EGF: variants seen among roughly 807,000 people sequenced by gnomAD.
EGF encodes pro-epidermal growth factor.
In EGF, 95 loss-of-function variants were observed where a neutral mutation model predicts 143.8. The observed-to-expected ratio is 0.66, with a 90% CI of 0.56 to 0.78. The LOEUF is 0.78. Among genes scored for constraint, EGF ranks in the 30% least tolerant of loss-of-function variants. The pLI is 0.00. For synonymous variants in EGF, 510 were observed against 510.5 expected, an observed-to-expected ratio of 1.00 and a Z score of 0.01; for missense variants, 1,320 against 1,470.9, an observed-to-expected ratio of 0.90 and a Z score of 1.68.
At chr4:109,918,458 T>C (rs1272697548) in intron 1 of EGF, among the ~76,000 whole-genome samples, 1 of 152,184 alleles carries the variant, frequency 6.6e-6, no homozygotes, top group African/African-American at 2.4e-5. Context: ...GCTCAGCATC[T>C]ATTTAAATTA....
intron 1 of EGF, among the ~76,000 whole-genome samples, chr4:109,934,673 T>C (rs1172745166): frequency 6.6e-6 from 1 of 152,234 alleles, no homozygotes; most frequent in Non-Finnish European, 1.5e-5. Flanking sequence ...TAGGTTTTCT[T>C]CTAGGGTTTT....
Position 110,012,965 on chromosome 4 carries a change from T to C in EGF, c.*1510T>C, listed in dbSNP as rs1239080030. 6.6e-6 allele frequency among the ~76,000 whole-genome samples: 1 copy of C among 152,234 alleles called. No individual in the cohort carries two copies. Among genetic ancestry groups the C allele is most frequent in the African/African-American group, 2.4e-5 (1 of 41,462 alleles). On this transcript the variant is annotated 3_prime_UTR_variant, in exon 24 of 24. Transcript: ENST00000265171. ...CAGAATAAAAAGAAATTGAAGTACC[T>C]GTTTTCAAATGGATACTTTATAGGA...
Position 109,945,286 on chromosome 4 carries a change from G to A in EGF, c.940+11G>A, listed in dbSNP as rs4698756. The A allele has an allele frequency of 0.36, 580,459 of 1,609,118 alleles. 106,761 individuals are homozygous for A. Among genetic ancestry groups the A allele is most frequent in the East Asian group, 0.51 (23,040 of 44,786 alleles). On this transcript the variant is annotated intron_variant, in intron 5 of 23. Coordinates refer to ENST00000265171, the MANE Select transcript of EGF (RefSeq NM_001963.6). ...ACACTTGGGAGCCTGGTGAGTCATC[G>A]TTGACCTTGCGCAGGGCCTGACACA...
At chr4:109,918,931 C>T (rs1737191196) in intron 1 of EGF, among the ~76,000 whole-genome samples, 1 of 152,138 alleles carries the variant, frequency 6.6e-6, no homozygotes, top group African/African-American at 2.4e-5. Flanking sequence ...GCGAAACCCT[C>T]TTTCTCCCAC....
intron 22 of EGF, among the ~76,000 whole-genome samples, chr4:110,006,670 A>G (rs1175927621): frequency 1.3e-5 from 2 of 152,354 alleles, no homozygotes; most frequent in East Asian, 3.9e-4. Context: ...TCATTAATTC[A>G]TCATCATGGG....
Position 109,938,281 on chromosome 4 carries a change from A to G in EGF, c.128-2665A>G, listed in dbSNP as rs114129622. ...ATTAATTTGATCTTCAATTGCTGAC[A>G]TCCTTTCTTCCGCTCGATTGAATTG... On this transcript the variant is annotated intron_variant, in intron 1 of 23. Coordinates refer to ENST00000265171, the MANE Select transcript of EGF (RefSeq NM_001963.6). 9.7e-3 allele frequency among the ~76,000 whole-genome samples: 1,478 copies of G among 152,208 alleles called. 21 individuals carry two copies. Among genetic ancestry groups the G allele is most frequent in the Non-Finnish European group, 0.017 (1,186 of 67,990 alleles).
At chr4:110,001,416 T>G (rs566756473) in intron 21 of EGF, among the ~76,000 whole-genome samples, 31 of 152,364 alleles carry the variant, frequency 2.0e-4, no homozygotes, top group African/African-American at 7.5e-4. Context: ...AATTCAGTAG[T>G]CCATCAATAA....
rs557892658 is a variant in EGF at position 110,011,902 on chromosome 4, G to A, written c.*447G>A. The A allele has an allele frequency of 6.2e-5, 13 of 209,838 alleles. No homozygotes were observed. The highest frequency in any genetic ancestry group is 9.7e-5 in the Non-Finnish European group (10 of 103,274). 13.0% of individuals were successfully genotyped at this position (209,838 alleles called of 1,614,324 possible). On this transcript the variant is annotated 3_prime_UTR_variant, in exon 24 of 24. Transcript: ENST00000265171. ...GAAATGATTGGAATATTACAATACCGTTAAGATACAGTGTAGGCATTTAAC... is the reference window on the plus strand; with the variant it reads ...GAAATGATTGGAATATTACAATACCATTAAGATACAGTGTAGGCATTTAAC...
intron 5 of EGF, among the ~76,000 whole-genome samples, chr4:109,948,905 A>G (rs1376326584): frequency 6.6e-6 from 1 of 152,232 alleles, no homozygotes; most frequent in East Asian, 1.9e-4. Flanking sequence ...CAAAGCATTT[A>G]GTAGTGAAAC....
intron 21 of EGF, 145 bp downstream of exon 21, chr4:109,999,991 C>T: frequency 1.6e-6 from 2 of 1,246,148 alleles, no homozygotes; most frequent in Non-Finnish European, 2.3e-6. Context: ...GTGACCCATG[C>T]CTGCAATCCC....
rs920760997 is a variant in EGF at position 110,012,746 on chromosome 4, C to G, written c.*1291C>G. Among the ~76,000 whole-genome samples the G allele has an allele frequency of 3.3e-5, 5 of 152,164 alleles. No individual in the cohort carries two copies. The highest frequency in any genetic ancestry group is 1.2e-4 in the African/African-American group (5 of 41,434). On this transcript the variant is annotated 3_prime_UTR_variant, in exon 24 of 24. Transcript: ENST00000265171. ...TAAAAAAATTTTTTAATCTACAACT[C>G]TGTAGATTAAAATTTCACATGGTGT...
At position 109,988,635 on chromosome 4, in the gene EGF, A is replaced by C. The variant is rs1346572376; in HGVS notation, c.2660A>C (p.Lys887Thr). ...CCAGTGTGCCCCCCTGCCTCCTCCA[A>C]GTGCATCAACACCGAAGGTGGTTAT... ...GVPVCPPASS[K>T]CINTEGGYVC... is the part of the protein sequence containing the mutation. Residue 887 changes from lysine (K) to threonine (T), a missense_variant, in exon 18 of 24, where the codon AAG (lysine) becomes ACG (threonine). Lys to Thr is a moderately conservative substitution (Grantham distance 78). This residue lies in a region of EGF where 1,186 missense variants were observed against 1,313.7 expected (regional missense o/e 0.90). Coordinates refer to ENST00000265171, the MANE Select transcript of EGF (RefSeq NM_001963.6). 2 of 1,613,990 alleles carry C rather than the reference A, an allele frequency of 1.2e-6. No homozygotes were observed. Among genetic ancestry groups the C allele is most frequent in the African/African-American group, 2.7e-5 (2 of 74,924 alleles).
Position 109,961,862 on chromosome 4 carries a change from G to T in EGF, c.1190-1G>T. 1 of 1,613,568 alleles carries T rather than the reference G, an allele frequency of 6.2e-7. No homozygotes were observed. Among genetic ancestry groups the T allele is most frequent in the Non-Finnish European group, 8.5e-7 (1 of 1,179,672 alleles). On this transcript the variant is annotated splice_acceptor_variant, in intron 7 of 23. Transcript: ENST00000265171. LOFTEE classifies it high-confidence loss of function. ...TCTTGACCTTGTTCTTTATTAATTA[G>T]AACTTGTTTCCTGTCCACGCAATGT...
At chr4:109,959,063 A>G (rs915677777) in intron 5 of EGF, 2 of 516,452 alleles carry the variant, frequency 3.9e-6, no homozygotes, top group South Asian at 2.1e-5. Context: ...AGTATTCGCA[A>G]CCTAAGAAAT....
chr4:109,938,451 G>A (rs964950807), intron 1 of EGF, among the ~76,000 whole-genome samples: 3 of 152,068 alleles, frequency 2.0e-5, no homozygotes, highest in African/African-American at 7.2e-5. Context: ...CCTTGCGATG[G>A]GTTAGAACAT....
intron 18 of EGF, among the ~76,000 whole-genome samples, chr4:109,992,170 T>TAAAAAAAAAAAAAAA (rs58841408): frequency 9.1e-5 from 6 of 65,636 alleles, no homozygotes; most frequent in East Asian, 1.2e-3. Flanking sequence ...CAAGATTCTT[T>TAAAAAAAAAAAAAAA]AAAAAAAAAA....
intron 11 of EGF, among the ~76,000 whole-genome samples, chr4:109,972,310 T>C (rs1165364066): frequency 1.3e-5 from 2 of 152,228 alleles, no homozygotes; most frequent in Non-Finnish European, 2.9e-5. Flanking sequence ...GGTGAACACC[T>C]TGGGGGAGCT....
Position 109,945,367 on chromosome 4 carries a change from A to G in EGF, c.940+92A>G, listed in dbSNP as rs569170019. The G allele has an allele frequency of 6.0e-6, 8 of 1,326,446 alleles. No homozygotes were observed. In the Admixed American group the frequency reaches 1.4e-4, roughly 23 times the overall value. 82.2% of individuals were successfully genotyped at this position (1,326,446 alleles called of 1,614,324 possible). On this transcript the variant is annotated intron_variant, in intron 5 of 23. Transcript: ENST00000265171. ...GACAATGAGGCGTTGTAGGGGAAAA[A>G]AAATTTTTTTCTTCAACCCTCATAT...
chr4:109,944,211 C>T (rs189800347), intron 4 of EGF, 142 bp downstream of exon 4: 317 of 876,108 alleles, frequency 3.6e-4, no homozygotes, highest in East Asian at 3.3e-3. Flanking sequence ...TGGCCGGGCG[C>T]GGCGGATCAC....
Sources: gnomAD v4.1 joint callset for allele counts (sites outside exome capture counted in the v4.1 genomes callset) on GRCh38, gnomAD v4.1.1 for gene constraint, gnomAD v4.1.1 regional missense constraint, MANE v1.5 for transcripts, NCBI Gene and HGNC (gene_info 2026-07-23, HGNC 2026-07-21) for gene names.